SCYL2: variants seen among roughly 807,000 people sequenced by gnomAD.
The protein encoded by SCYL2 is SCY1-like protein 2.
Under a neutral mutation model 100.4 loss-of-function variants are expected in SCYL2, and 36 were observed. The ratio of observed to expected loss-of-function variants is 0.36; its 90% CI spans 0.27 to 0.47. The LOEUF (loss-of-function observed/expected upper bound fraction) is 0.47, where lower values mean the gene tolerates loss of function less well. SCYL2 is among the 20% of genes least tolerant of loss of function. The pLI, the probability that SCYL2 is intolerant of heterozygous loss-of-function variation, is 1.00. For synonymous variants in SCYL2, 330 were observed against 359.2 expected (o/e 0.92, Z 0.92); for missense variants, 902 against 1,083.9 (o/e 0.83, Z 2.36).
At chr12:100,303,456 G>T (rs2096330211) in intron 4 of SCYL2, among the ~76,000 whole-genome samples, 1 of 151,500 alleles carries the variant, frequency 6.6e-6, no homozygotes, top group South Asian at 2.1e-4. Context: ...TTTTGTTGAT[G>T]TTGATGTTTT....
chr12:100,335,037 A>T (rs1299241146), intron 14 of SCYL2, among the ~76,000 whole-genome samples: 1 of 152,082 alleles, frequency 6.6e-6, no homozygotes, highest in Admixed American at 6.6e-5. Context: ...AGCCCTTTGT[A>T]TGCTTGAAGT....
rs1032727099 is a variant in SCYL2, at chr12:100,340,510, T to C, written c.*1338T>C. 3.9e-5 allele frequency: 6 copies of C among 152,102 alleles called. No individual in the cohort carries two copies. The highest frequency in any genetic ancestry group is 6.5e-5 in the Admixed American group (1 of 15,272). The allele number at this position is 152,102 out of a possible 1,614,324, so 9.4% of individuals were successfully genotyped here. A position where few individuals can be genotyped will look rare whatever the true frequency, so the allele number is the denominator to read the frequency against. On this transcript the variant is annotated 3_prime_UTR_variant, in exon 18 of 18. Coordinates refer to ENST00000360820, the MANE Select transcript of SCYL2 (RefSeq NM_017988.6). ...CTGCCATAGAGTTGATGGTTTTTAA[T>C]TATCTGGAACCAGCAATCATTTAAA...
At position 100,291,580 on chromosome 12, in the gene SCYL2, T is replaced by C. The variant is rs778420313; in HGVS notation, c.255T>C (p.Ser85=). The part of the protein sequence containing the change: ...QKFEKDQIID[S]LKRGVQQLTR... ...TTGAAAAGGATCAAATCATTGATTC[T>C]CTAAAACGAGGAGTCCAACAGTTAA... Residue 85 remains serine, a synonymous_variant, in exon 3 of 18, where the codon TCT becomes TCC. Coordinates refer to ENST00000360820, the MANE Select transcript of SCYL2 (RefSeq NM_017988.6). The C allele has an allele frequency of 4.4e-6, 7 of 1,599,618 alleles. No homozygotes were observed. Among genetic ancestry groups the C allele is most frequent in the Non-Finnish European group, 6.0e-6 (7 of 1,175,418 alleles).
At chr12:100,328,985 C>T (rs922909574) in intron 12 of SCYL2, among the ~76,000 whole-genome samples, 2 of 152,100 alleles carry the variant, frequency 1.3e-5, no homozygotes, top group African/African-American at 4.8e-5. Context: ...ACCAAAAGAA[C>T]ACAGGATAAA....
intron 1 of SCYL2, among the ~76,000 whole-genome samples, chr12:100,271,777 T>A (rs2096287939): frequency 6.6e-6 from 1 of 152,230 alleles, no homozygotes; most frequent in Non-Finnish European, 1.5e-5. Flanking sequence ...TTCTTGGGAT[T>A]GTAAGCTTGG....
chr12:100,334,264 G>A lies in SCYL2; in HGVS notation c.1860G>A (p.Gln620=). The part of the protein sequence containing the change: ...LEQLHIMQEQ[Q]KSLDIGNQMN... Reference sequence around the variant, plus strand: ...AACTTCATATAATGCAAGAACAGCAGAAGTAAGTAGGTTGCACATGAATTA... The same window carrying A: ...AACTTCATATAATGCAAGAACAGCAAAAGTAAGTAGGTTGCACATGAATTA... Residue 620 remains glutamine (Q), a splice_region_variant and synonymous_variant, in exon 14 of 18, where the codon CAG becomes CAA. Transcript: ENST00000360820. The A allele has an allele frequency of 6.5e-7, 1 of 1,537,192 alleles. No homozygotes were observed. Among genetic ancestry groups the A allele is most frequent in the Non-Finnish European group, 9.0e-7 (1 of 1,115,590 alleles).
intron 1 of SCYL2, among the ~76,000 whole-genome samples, chr12:100,280,673 C>T (rs1002793708): frequency 3.9e-5 from 6 of 152,090 alleles, no homozygotes; most frequent in Non-Finnish European, 7.4e-5. Context: ...CTGAAATGCT[C>T]CAGAATCTGA....
At chr12:100,293,098 G>A (rs1002354597) in intron 3 of SCYL2, among the ~76,000 whole-genome samples, 9 of 152,072 alleles carry the variant, frequency 5.9e-5, no homozygotes, top group African/African-American at 2.2e-4. Context: ...TTACAGGTGT[G>A]AGTGACTGTG....
chr12:100,326,872 T>G, intron 12 of SCYL2, 118 bp downstream of exon 12: 1 of 778,218 alleles, frequency 1.3e-6, no homozygotes, highest in Non-Finnish European at 2.0e-6. Context: ...AAGAATGATG[T>G]GATAAATACC....
At chr12:100,293,731 T>C (rs2096313390) in intron 3 of SCYL2, among the ~76,000 whole-genome samples, 1 of 152,034 alleles carries the variant, frequency 6.6e-6, no homozygotes, top group South Asian at 2.1e-4. Context: ...GTGACGACTC[T>C]TAACGAGCAT....
At chr12:100,301,390 T>C (rs1177679411) in intron 4 of SCYL2, among the ~76,000 whole-genome samples, 1 of 152,244 alleles carries the variant, frequency 6.6e-6, no homozygotes, top group Non-Finnish European at 1.5e-5. Context: ...TTATATATTC[T>C]GATTATTAAT....
chr12:100,335,421 T>C (rs1952262984), intron 14 of SCYL2, among the ~76,000 whole-genome samples: 1 of 152,058 alleles, frequency 6.6e-6, no homozygotes, highest in African/African-American at 2.4e-5. Context: ...ATCCCCAATG[T>C]TGAGTTTAAG....
rs546064676 is a variant in SCYL2, at chr12:100,294,281, C to T, written c.335+2621C>T. On this transcript the variant is annotated intron_variant, in intron 3 of 17. Transcript: ENST00000360820. ...CTGACCCCCCAACCTCCCTCCCGGACGGGGCGGCTGGCCGGGCAGAGGGGC... is the reference window on the plus strand; with the variant it reads ...CTGACCCCCCAACCTCCCTCCCGGATGGGGCGGCTGGCCGGGCAGAGGGGC... Among the ~76,000 whole-genome samples the T allele has an allele frequency of 3.2e-3, 407 of 126,942 alleles. 1 individual carries two copies. The highest frequency in any genetic ancestry group is 8.6e-3 in the African/African-American group (285 of 33,316). The allele number at this position is 126,942 out of a possible 152,430, so 83.3% of individuals were successfully genotyped here. A position where few individuals can be genotyped will look rare whatever the true frequency, so the allele number is the denominator to read the frequency against.
chr12:100,288,599 G>A (rs1399975809), intron 2 of SCYL2, among the ~76,000 whole-genome samples: 1 of 152,052 alleles, frequency 6.6e-6, no homozygotes, highest in Non-Finnish European at 1.5e-5. Context: ...ACTATGGGAG[G>A]CTGAGGTGGG....
rs2096278537 is a variant in SCYL2 at position 100,267,238 on chromosome 12, C to T, written c.-583C>T. The T allele has an allele frequency of 4.1e-6, 3 of 725,124 alleles. No homozygotes were observed. Among genetic ancestry groups the T allele is most frequent in the African/African-American group, 1.8e-5 (1 of 54,822 alleles). 44.9% of individuals were successfully genotyped at this position (725,124 alleles called of 1,614,324 possible). A position where few individuals can be genotyped will look rare whatever the true frequency, so the allele number is the denominator to read the frequency against. ...CCCTCCCCTCCCCACCCCTTTCCTT[C>T]TAGCTCCGACGTTTGCGGCCGCGGG... On this transcript the variant is annotated 5_prime_UTR_variant, in exon 1 of 18. Transcript: ENST00000360820.
At position 100,317,540 on chromosome 12, in the gene SCYL2, C is replaced by T. The variant is rs1185238634; in HGVS notation, c.1273-263C>T. 6.0e-6 allele frequency: 4 copies of T among 665,134 alleles called. No homozygotes were observed. The African/African-American group carries it at 7.5e-5, about 13-fold the overall frequency. The allele number at this position is 665,134 out of a possible 1,614,324, so 41.2% of individuals were successfully genotyped here. The stretch of plus-strand genomic sequence containing the variant: ...TTTCCAGATAGTTGGTATGTGTGGG[C>T]AAGTGATAGATTACTGTAGATATGT... On this transcript the variant is annotated intron_variant, in intron 9 of 17. Coordinates refer to ENST00000360820, the MANE Select transcript of SCYL2 (RefSeq NM_017988.6).
intron 10 of SCYL2, among the ~76,000 whole-genome samples, chr12:100,319,496 A>G (rs1010209466): frequency 6.6e-6 from 1 of 152,214 alleles, no homozygotes; most frequent in Non-Finnish European, 1.5e-5. Flanking sequence ...GAAGTAGTAT[A>G]TAATTCAGAT....
rs1336307244 is a variant in SCYL2, at chr12:100,339,451, C to G, written c.*279C>G. ...AAAGAGAAAAAGGAAACTGAGTTAT[C>G]TTGAATAACATAACTTTTTAATCAA... On this transcript the variant is annotated 3_prime_UTR_variant, in exon 18 of 18. Coordinates refer to ENST00000360820, the MANE Select transcript of SCYL2 (RefSeq NM_017988.6). 3 of 379,896 alleles carry G rather than the reference C, an allele frequency of 7.9e-6. No homozygotes were observed. Among genetic ancestry groups the G allele is most frequent in the Non-Finnish European group, 9.5e-6 (2 of 210,824 alleles). The allele number at this position is 379,896 out of a possible 1,614,324, so 23.5% of individuals were successfully genotyped here.
At chr12:100,293,684 A>G (rs1342152990) in intron 3 of SCYL2, among the ~76,000 whole-genome samples, 1 of 152,104 alleles carries the variant, frequency 6.6e-6, no homozygotes, top group Non-Finnish European at 1.5e-5. Context: ...AGCCTTCCGC[A>G]GTGTTTGTGT....
Sources: allele counts gnomAD v4.1 joint callset (sites outside exome capture counted in the v4.1 genomes callset), GRCh38; gene constraint gnomAD v4.1.1; transcripts MANE v1.5; gene names NCBI Gene and HGNC (gene_info 2026-07-23, HGNC 2026-07-21).